The following MGAT4C variants were observed in gnomAD, a reference collection of about 807,000 sequenced individuals.
MGAT4C encodes alpha-1,3-mannosyl-glycoprotein 4-beta-N-acetylglucosaminyltransferase C.
A neutral mutation model predicts 40.1 loss-of-function variants in MGAT4C; 19 were observed. That is an observed-to-expected ratio of 0.47 (90% CI 0.33 to 0.70). The LOEUF (loss-of-function observed/expected upper bound fraction) is 0.70, where lower values mean the gene tolerates loss of function less well. MGAT4C is among the 30% of genes least tolerant of loss of function. The probability of loss-of-function intolerance (pLI) is 0.02; values close to 1 mark genes in which losing one functional copy is unlikely to be tolerated. For missense variants in MGAT4C, 491 were observed against 563.2 expected (o/e 0.87, Z 1.30); for synonymous variants, 181 against 187.1 (o/e 0.97, Z 0.27).
chr12:86,565,298 C>T (rs1164330226), intron 2 of MGAT4C, among the ~76,000 whole-genome samples: 6 of 152,164 alleles, frequency 3.9e-5, no homozygotes, highest in Admixed American at 1.3e-4. Context: ...GGTCCCCACT[C>T]CTACCACCCT....
In MGAT4C at chr12:86,063,144, A is replaced by G. The variant is rs530623461; in HGVS notation, c.-56-13421T>C. Among the ~76,000 whole-genome samples the G allele has an allele frequency of 2.0e-5, 3 of 152,318 alleles. No individual in the cohort carries two copies. In the East Asian group the frequency reaches 5.8e-4, roughly 29 times the overall value. ...CAGAGAGAAAGGTCGGGTTACCCACAAAGGGAAGCCCATCAGACTAACAGC... is the reference window on the plus strand; with the variant it reads ...CAGAGAGAAAGGTCGGGTTACCCACGAAGGGAAGCCCATCAGACTAACAGC... On this transcript the variant is annotated intron_variant, in intron 1 of 4. Coordinates refer to ENST00000611864, the MANE Select transcript of MGAT4C (RefSeq NM_001351288.2).
At chr12:86,223,295 T>C (rs1950951864) in intron 1 of MGAT4C, among the ~76,000 whole-genome samples, 1 of 152,168 alleles carries the variant, frequency 6.6e-6, no homozygotes, top group South Asian at 2.1e-4. Context: ...TCCTCCCTAG[T>C]GGCAAGTCCA....
intron 2 of MGAT4C, among the ~76,000 whole-genome samples, chr12:86,616,604 C>A (rs1021240714): frequency 1.3e-5 from 2 of 151,810 alleles, no homozygotes; most frequent in African/African-American, 4.8e-5. Context: ...AAATCTTCTT[C>A]AAAAATATCA....
intron 1 of MGAT4C, among the ~76,000 whole-genome samples, chr12:86,197,434 A>G (rs920807252): frequency 6.6e-6 from 1 of 152,148 alleles, no homozygotes; most frequent in Non-Finnish European, 1.5e-5. Context: ...GATCTTTGGG[A>G]GGCAATTAGG....
At chr12:86,629,742 A>G (rs1439743072) in intron 2 of MGAT4C, among the ~76,000 whole-genome samples, 3 of 152,226 alleles carry the variant, frequency 2.0e-5, no homozygotes, top group Admixed American at 6.5e-5. Flanking sequence ...TCCCTGGGAC[A>G]CATTTAAAGC....
intron 2 of MGAT4C, among the ~76,000 whole-genome samples, chr12:86,550,251 T>C (rs759914808): frequency 6.6e-6 from 1 of 152,186 alleles, no homozygotes; most frequent in Admixed American, 6.5e-5. Context: ...CTTTATAAAC[T>C]ACCCTGTCTC....
intron 2 of MGAT4C, among the ~76,000 whole-genome samples, chr12:86,536,695 C>T (rs1959074895): frequency 6.6e-6 from 1 of 152,096 alleles, no homozygotes; most frequent in Non-Finnish European, 1.5e-5. Context: ...ATTTTCTATC[C>T]AGCAGAGACC....
intron 1 of MGAT4C, among the ~76,000 whole-genome samples, chr12:86,099,366 G>T (rs1874522649): frequency 7.0e-6 from 1 of 143,562 alleles, no homozygotes; most frequent in African/African-American, 2.5e-5. Flanking sequence ...AAACTTTTTG[G>T]TTATTAATTT....
At chr12:86,379,513 G>T (rs1490391875) in intron 3 of MGAT4C, among the ~76,000 whole-genome samples, 1 of 152,048 alleles carries the variant, frequency 6.6e-6, no homozygotes, top group Non-Finnish European at 1.5e-5. Context: ...TTCTGGCAAA[G>T]GTTATTTGGG....
chr12:86,652,463 A>T (rs1963721513), intron 2 of MGAT4C, among the ~76,000 whole-genome samples: 1 of 151,766 alleles, frequency 6.6e-6, no homozygotes, highest in South Asian at 2.1e-4. Flanking sequence ...TCCACACCCA[A>T]CCTCCAATAC....
chr12:86,689,939 G>T (rs961515861), intron 2 of MGAT4C, among the ~76,000 whole-genome samples: 8 of 152,212 alleles, frequency 5.3e-5, no homozygotes, highest in African/African-American at 1.9e-4. Context: ...CAGGTGCTCT[G>T]TCCCAGGGGG....
chr12:86,055,874 T>C (rs1893338226), intron 1 of MGAT4C, among the ~76,000 whole-genome samples: 1 of 152,100 alleles, frequency 6.6e-6, no homozygotes, highest in Non-Finnish European at 1.5e-5. Context: ...TCTTTTTTCA[T>C]TCCCCTGTTA....
Position 85,958,273 on chromosome 12 carries a change from T to C in MGAT4C, c.*21016A>G, listed in dbSNP as rs1358451706. ...TTTTTAGTAGAGATGGAGTTTCACC[T>C]TGTTGGTCAGGCTGGTCTTGAGCTC... On this transcript the variant is annotated 3_prime_UTR_variant, in exon 5 of 5. Coordinates refer to ENST00000611864, the MANE Select transcript of MGAT4C (RefSeq NM_001351288.2). 1 of 152,060 alleles carries C rather than the reference T, an allele frequency of 6.6e-6. No individual in the cohort carries two copies. Among genetic ancestry groups the C allele is most frequent in the Non-Finnish European group, 1.5e-5 (1 of 68,010 alleles). The allele number at this position is 152,060 out of a possible 1,614,324, so 9.4% of individuals were successfully genotyped here.
At chr12:86,115,881 C>T (rs993548636) in intron 1 of MGAT4C, among the ~76,000 whole-genome samples, 4 of 151,904 alleles carry the variant, frequency 2.6e-5, no homozygotes, top group Non-Finnish European at 5.9e-5. Flanking sequence ...TGATTAAGGT[C>T]CACCATGATC....
intron 1 of MGAT4C, among the ~76,000 whole-genome samples, chr12:86,157,504 TA>T (rs1430870259): frequency 6.6e-6 from 1 of 152,120 alleles, no homozygotes; most frequent in Non-Finnish European, 1.5e-5. Flanking sequence ...TGCAGGTAGA[TA>T]AAAATCATTT....
In MGAT4C at chr12:86,061,509, C is replaced by T. The variant is rs182127877; in HGVS notation, c.-56-11786G>A. On this transcript the variant is annotated intron_variant, in intron 1 of 4. Coordinates refer to ENST00000611864, the MANE Select transcript of MGAT4C (RefSeq NM_001351288.2). The stretch of plus-strand genomic sequence containing the variant: ...TTCCATGCCCCAGTGGTGCCTGCAA[C>T]GCAAGCTAGAAAGAATTGTTCACTC... 3.7e-4 allele frequency among the ~76,000 whole-genome samples: 56 copies of T among 151,044 alleles called. 1 individual carries two copies. Among genetic ancestry groups the T allele is most frequent in the Admixed American group, 1.3e-3 (20 of 15,146 alleles).
chr12:86,075,758 C>T (rs1186663527), intron 1 of MGAT4C, among the ~76,000 whole-genome samples: 1 of 152,232 alleles, frequency 6.6e-6, no homozygotes. Flanking sequence ...CTTCCATCCT[C>T]TGAAGCCACA....
chr12:86,674,755 A>G (rs1338707107), intron 2 of MGAT4C, among the ~76,000 whole-genome samples: 1 of 152,176 alleles, frequency 6.6e-6, no homozygotes, highest in East Asian at 1.9e-4. Context: ...TAATCATCCA[A>G]TGCAAGTAGT....
chr12:86,156,653 T>A (rs1337284122), intron 1 of MGAT4C, among the ~76,000 whole-genome samples: 4 of 152,184 alleles, frequency 2.6e-5, no homozygotes, highest in African/African-American at 9.7e-5. Flanking sequence ...CAGAAAAACA[T>A]GTGAGAATAG....
Sources: gnomAD v4.1 joint callset for allele counts (sites outside exome capture counted in the v4.1 genomes callset) on GRCh38, gnomAD v4.1.1 for gene constraint, MANE v1.5 for transcripts, NCBI Gene and HGNC (gene_info 2026-07-23, HGNC 2026-07-21) for gene names.